The following CD99 variants were observed in gnomAD, a reference collection of about 807,000 sequenced individuals.
CD99 encodes the protein CD99 antigen.
CD99 carries 19 observed loss-of-function variants against 28.4 expected under a neutral mutation model. The ratio of observed to expected loss-of-function variants is 0.67; its 90% CI spans 0.47 to 0.98. The LOEUF (loss-of-function observed/expected upper bound fraction) is 0.98, where lower values mean the gene tolerates loss of function less well. Ranked by LOEUF, CD99 falls within the 50% of genes least tolerant of loss-of-function variation. The pLI, the probability that CD99 is intolerant of heterozygous loss-of-function variation, is 0.00. For synonymous variants in CD99, 103 were observed against 92.1 expected, an observed-to-expected ratio of 1.12 and a Z score of -0.67; for missense variants, 283 against 248.8, an observed-to-expected ratio of 1.14 and a Z score of -0.92.
chrX:2,730,172 T>C (rs1350244040), intron 8 of CD99, among the ~76,000 whole-genome samples: 2 of 87,994 alleles, frequency 2.3e-5, no homozygotes, highest in South Asian at 5.8e-4. Context: ...AAAATAAAAA[T>C]ACCTTTTTTT....
At chrX:2,722,738 G>GTGATTCTACAGAGC in intron 6 of CD99, 64 bp downstream of exon 6, 1 of 1,477,458 alleles carries the variant, frequency 6.8e-7, no homozygotes, top group Non-Finnish European at 9.5e-7. Context: ...CTGCTCTGTA[G>GTGATTCTACAGAGC]AATCACTACA....
At chrX:2,694,700 C>T (rs2124456104) in intron 1 of CD99, among the ~76,000 whole-genome samples, 1 of 152,048 alleles carries the variant, frequency 6.6e-6, no homozygotes, top group Non-Finnish European at 1.5e-5. Context: ...TTGCAGTGAG[C>T]TGAGATCGTG....
At chrX:2,707,387 C>T (rs1420900667) in intron 1 of CD99, among the ~76,000 whole-genome samples, 1 of 152,122 alleles carries the variant, frequency 6.6e-6, no homozygotes, top group African/African-American at 2.4e-5. Context: ...TACTGGCTCT[C>T]CTCCTGCGTT....
chrX:2,709,347 G>GCATGCA (rs1016489314), intron 1 of CD99, among the ~76,000 whole-genome samples: 1 of 144,096 alleles, frequency 6.9e-6, no homozygotes, highest in African/African-American at 2.5e-5. Flanking sequence ...ACCCATATAT[G>GCATGCA]CATGCACACA....
chrX:2,709,203 ACATGCATGCACACTCATGC>A, intron 1 of CD99, among the ~76,000 whole-genome samples: 1 of 149,396 alleles, frequency 6.7e-6, no homozygotes, highest in African/African-American at 2.4e-5. Flanking sequence ...ACAGGCACAT[ACATGCATGCACACTCATGC>A]CATGCATATA....
At chrX:2,700,803 G>A (rs753533077) in intron 1 of CD99, among the ~76,000 whole-genome samples, 211 of 149,620 alleles carry the variant, frequency 1.4e-3, no homozygotes, top group African/African-American at 4.8e-3. Context: ...CCATTTATCC[G>A]TTCACCCATT....
At position 2,717,656 on chromosome X, in the gene CD99, A is replaced by G; in HGVS notation, c.148+4A>G. On this transcript the variant is annotated splice_donor_region_variant and intron_variant, in intron 3 of 9. Transcript: ENST00000381192. ...ATCCCCAAGAAACCCAGTGCTGGTG[A>G]GAAGGGCTTCTTCCTAGTATGCAAA... 1.2e-6 allele frequency: 2 copies of G among 1,613,122 alleles called. No homozygotes were observed. Among genetic ancestry groups the G allele is most frequent in the South Asian group, 1.1e-5 (1 of 91,060 alleles).
In CD99 at chrX:2,691,367, C is replaced by T. The variant is rs200500966; in HGVS notation, c.7C>T (p.Arg3Cys). Residue 3 changes from arginine to cysteine, a missense_variant, in exon 1 of 10, where the codon CGC (arginine) becomes TGC (cysteine). By Grantham distance (180) the Arg-to-Cys change is radical (BLOSUM62 -3). Transcript: ENST00000381192. ...TGCGCGCTCTGGGCGCACCATGGCC[C>T]GCGGGGCTGCGCTGGCGCTGCTGCT... MA[R>C]GAALALLLFG... The T allele has an allele frequency of 2.4e-5, 37 of 1,572,296 alleles. No individual in the cohort carries two copies. Among genetic ancestry groups the T allele is most frequent in the Middle Eastern group, 4.6e-4 (2 of 4,380 alleles).
chrX:2,691,493 T>C, intron 1 of CD99, 66 bp downstream of exon 1: 1 of 1,506,806 alleles, frequency 6.6e-7, no homozygotes, highest in Non-Finnish European at 8.9e-7. Context: ...GGGATCCGCT[T>C]GAGATGCGGC....
At chrX:2,721,794 A>G (rs1355223395) in intron 5 of CD99, among the ~76,000 whole-genome samples, 2 of 152,176 alleles carry the variant, frequency 1.3e-5, no homozygotes, top group Non-Finnish European at 2.9e-5. Context: ...CCTGTAACTA[A>G]TCCCTAATTC....
rs187558208 is a variant in CD99, at chrX:2,712,703, A to G, written c.68-1719A>G. 2.2e-4 allele frequency among the ~76,000 whole-genome samples: 34 copies of G among 152,280 alleles called. 1 individual carries two copies. Among genetic ancestry groups the G allele is most frequent in the Admixed American group, 2.1e-3 (32 of 15,304 alleles). ...CTCTGGTTGCCGGCATGGGGCCCAC[A>G]GAGCTGTTCCGAGCGTTTTGTCTAC... On this transcript the variant is annotated intron_variant, in intron 1 of 9. Transcript: ENST00000381192.
chrX:2,734,391 C>T (rs2049827541), intron 8 of CD99, among the ~76,000 whole-genome samples: 2 of 151,998 alleles, frequency 1.3e-5, no homozygotes, highest in Admixed American at 1.3e-4. Flanking sequence ...ACTGCAGCCT[C>T]CACCTCCTGG....
intron 8 of CD99, among the ~76,000 whole-genome samples, chrX:2,728,787 A>G (rs1324946950): frequency 1.3e-5 from 2 of 150,692 alleles, no homozygotes; most frequent in Non-Finnish European, 2.9e-5. Context: ...CTTGTTTGCC[A>G]GGACAGGATG....
chrX:2,705,088 C>G (rs1352395008), intron 1 of CD99, among the ~76,000 whole-genome samples: 1 of 152,218 alleles, frequency 6.6e-6, no homozygotes, highest in African/African-American at 2.4e-5. Flanking sequence ...AAGCCCTTCC[C>G]TTTCCATAGT....
intron 7 of CD99, 142 bp downstream of exon 7, chrX:2,723,506 G>C (rs2049108161): frequency 1.1e-6 from 1 of 918,902 alleles, no homozygotes; most frequent in African/African-American, 1.7e-5. Context: ...TGTGCCAAGT[G>C]CTCCCAAGTG....
chrX:2,704,750 G>C lies in CD99; in HGVS notation c.68-9672G>C, dbSNP rs185087648. Among the ~76,000 whole-genome samples, 470 of 151,912 alleles carry C rather than the reference G, an allele frequency of 3.1e-3. 3 individuals are homozygous for C. Among genetic ancestry groups the C allele is most frequent in the African/African-American group, 0.011 (447 of 41,390 alleles). The stretch of plus-strand genomic sequence containing the variant: ...TTTTTTGGAGGCAGGGTCTCTCTCT[G>C]TTGCCCAGGCTGGAGTGCCGTGGTG... On this transcript the variant is annotated intron_variant, in intron 1 of 9. Coordinates refer to ENST00000381192, the MANE Select transcript of CD99 (RefSeq NM_002414.5).
intron 2 of CD99, chrX:2,715,668 G>C (rs1251156998): frequency 1.3e-5 from 2 of 151,400 alleles, no homozygotes; most frequent in Non-Finnish European, 2.9e-5. Flanking sequence ...ATCTTTTGCG[G>C]GGACCACTGC....
chrX:2,720,554 T>C (rs978269883), intron 5 of CD99, 130 bp downstream of exon 5: 27 of 696,254 alleles, frequency 3.9e-5, no homozygotes, highest in African/African-American at 2.7e-4. Flanking sequence ...GTAATGCCCA[T>C]GTTCATGTAA....
rs763370326 is a variant in CD99 at position 2,714,405 on chromosome X, CT to C, written c.68-10del. ...TATTTTTCTTGTTTCTAAGTTGACT[CT>C]TTTTTTCTCTCTTAGATGGTGGTTT... On this transcript the variant is annotated splice_polypyrimidine_tract_variant and intron_variant, in intron 1 of 9. Transcript: ENST00000381192. 10 of 1,565,526 alleles carry C rather than the reference CT, an allele frequency of 6.4e-6. No homozygotes were observed. The highest frequency in any genetic ancestry group is 3.4e-5 in the Admixed American group (2 of 58,096).
Sources: allele counts gnomAD v4.1 joint callset (sites outside exome capture counted in the v4.1 genomes callset), GRCh38; gene constraint gnomAD v4.1.1; transcripts MANE v1.5; gene names NCBI Gene and HGNC (gene_info 2026-07-23, HGNC 2026-07-21).